The following CAMTA1 variants were observed in gnomAD, a reference collection of about 807,000 sequenced individuals.
The protein encoded by CAMTA1 is calmodulin binding transcription activator 1.
Under a neutral mutation model 170.9 loss-of-function variants are expected in CAMTA1, and 27 were observed. The ratio of observed to expected loss-of-function variants is 0.16; its 90% CI spans 0.12 to 0.22. The LOEUF (loss-of-function observed/expected upper bound fraction) is 0.22, where lower values mean the gene tolerates loss of function less well. CAMTA1 is among the 10% of genes least tolerant of loss of function. CAMTA1 has a pLI of 1.00. For synonymous variants in CAMTA1, 833 were observed against 891.5 expected (o/e 0.93, Z 1.17); for missense variants, 1,619 against 2,217.2 (o/e 0.73, Z 5.42).
intron 4 of CAMTA1, among the ~76,000 whole-genome samples, chr1:7,178,686 G>A (rs765311093): frequency 9.8e-5 from 15 of 152,314 alleles, no homozygotes; most frequent in South Asian, 2.1e-4. Context: ...TGGGGGTTCC[G>A]TAAAGAGCTA....
Position 6,972,049 on chromosome 1 carries a change from G to A in CAMTA1, c.235-119255G>A, listed in dbSNP as rs1233711475. On this transcript the variant is annotated intron_variant, in intron 3 of 22. Transcript: ENST00000303635. ...ACATTGTTGGAGAAGGAGGGGCGGG[G>A]GTAGAGTGAAGGCCCCAGAAGGAGA... is the stretch of plus-strand genomic sequence containing the variant. Among the ~76,000 whole-genome samples, 4 of 152,252 alleles carry A rather than the reference G, an allele frequency of 2.6e-5. No homozygotes were observed. In the East Asian group the frequency reaches 7.7e-4, roughly 29 times the overall value.
At chr1:6,834,184 T>C (rs997530068) in intron 3 of CAMTA1, 8 of 151,528 alleles carry the variant, frequency 5.3e-5, no homozygotes, top group Non-Finnish European at 1.2e-4. Context: ...GTTAATCATC[T>C]TTTTACTTAC....
intron 5 of CAMTA1, among the ~76,000 whole-genome samples, chr1:7,464,742 C>T (rs989879650): frequency 3.3e-5 from 5 of 152,152 alleles, no homozygotes; most frequent in South Asian, 4.2e-4. Flanking sequence ...TGAGGGTGCA[C>T]ACTCACGGGG....
At chr1:6,911,153 G>A (rs1374133680) in intron 3 of CAMTA1, among the ~76,000 whole-genome samples, 1 of 151,884 alleles carries the variant, frequency 6.6e-6, no homozygotes, top group African/African-American at 2.4e-5. Context: ...AGAGGGGAGG[G>A]TGTCCTTGGA....
rs35419744 is a variant in CAMTA1, at chr1:7,455,336, C to T, written c.439-12494C>T. Reference sequence around the variant, plus strand: ...TGTTTTCGTGAACTTGAGAAAAAATCGGGAAAAGGCCGATTCCCTCTGCCC... The same window carrying T: ...TGTTTTCGTGAACTTGAGAAAAAATTGGGAAAAGGCCGATTCCCTCTGCCC... On this transcript the variant is annotated intron_variant, in intron 5 of 22. Coordinates refer to ENST00000303635, the MANE Select transcript of CAMTA1 (RefSeq NM_015215.4). The surrounding 1 kb of genome is among the most constrained non-coding windows in gnomAD (Gnocchi z 5.0). 0.13 allele frequency among the ~76,000 whole-genome samples: 19,127 copies of T among 152,166 alleles called. 1,403 individuals carry two copies. Among genetic ancestry groups the T allele is most frequent in the Non-Finnish European group, 0.17 (11,625 of 67,990 alleles).
intron 5 of CAMTA1, among the ~76,000 whole-genome samples, chr1:7,313,771 C>T (rs1187751679): frequency 6.6e-6 from 1 of 152,034 alleles, no homozygotes; most frequent in Admixed American, 6.5e-5. Context: ...ATAAATTTAA[C>T]CTGATTTACT....
At chr1:7,386,021 C>T (rs969156999) in intron 5 of CAMTA1, among the ~76,000 whole-genome samples, 1 of 152,206 alleles carries the variant, frequency 6.6e-6, no homozygotes, top group Non-Finnish European at 1.5e-5. Flanking sequence ...ACCCTGGCTC[C>T]TCCAGGCTCC....
intron 3 of CAMTA1, among the ~76,000 whole-genome samples, chr1:7,033,914 AG>A (rs1703176493): frequency 6.6e-6 from 1 of 151,222 alleles, no homozygotes. Context: ...AATATTCTTG[AG>A]CATTGTTCTG....
chr1:6,916,830 C>G (rs1289902245), intron 3 of CAMTA1, among the ~76,000 whole-genome samples: 1 of 152,216 alleles, frequency 6.6e-6, no homozygotes, highest in Non-Finnish European at 1.5e-5. Flanking sequence ...GTGCAGATGT[C>G]ATAGCAGGTG....
chr1:7,709,474 G>C (rs1216358456), intron 11 of CAMTA1, among the ~76,000 whole-genome samples: 1 of 152,242 alleles, frequency 6.6e-6, no homozygotes, highest in Non-Finnish European at 1.5e-5. Flanking sequence ...TCAGTTCAAG[G>C]AGGAGTGAGA....
At chr1:7,626,664 G>C (rs1198060033) in intron 6 of CAMTA1, among the ~76,000 whole-genome samples, 1 of 152,054 alleles carries the variant, frequency 6.6e-6, no homozygotes, top group Non-Finnish European at 1.5e-5. Context: ...CTGAGAGACA[G>C]CAGAGGGTGG....
intron 4 of CAMTA1, among the ~76,000 whole-genome samples, chr1:7,150,843 ATGT>A (rs947645605): frequency 1.3e-5 from 2 of 152,182 alleles, no homozygotes; most frequent in African/African-American, 4.8e-5. Flanking sequence ...TTTCCCTCTG[ATGT>A]TGTCACTACT....
At chr1:7,137,127 C>T (rs776590539) in intron 4 of CAMTA1, among the ~76,000 whole-genome samples, 1 of 152,136 alleles carries the variant, frequency 6.6e-6, no homozygotes, top group Non-Finnish European at 1.5e-5. Context: ...TGCCCCGGTG[C>T]CTGGGAGTCA....
At chr1:7,008,922 C>T (rs2100745528) in intron 3 of CAMTA1, among the ~76,000 whole-genome samples, 1 of 152,342 alleles carries the variant, frequency 6.6e-6, no homozygotes, top group East Asian at 1.9e-4. Flanking sequence ...AGAGAAGGAA[C>T]TAAGGGAAAT....
intron 6 of CAMTA1, among the ~76,000 whole-genome samples, chr1:7,470,787 C>T (rs780819519): frequency 3.8e-4 from 58 of 152,248 alleles, no homozygotes; most frequent in Non-Finnish European, 7.5e-4. Flanking sequence ...CCTGCCGGCC[C>T]ACTGTGAACT....
At chr1:7,074,127 T>C (rs1330079580) in intron 3 of CAMTA1, among the ~76,000 whole-genome samples, 1 of 152,212 alleles carries the variant, frequency 6.6e-6, no homozygotes, top group Non-Finnish European at 1.5e-5. Flanking sequence ...TACTTTACCC[T>C]CCTGGGGTTG....
intron 3 of CAMTA1, among the ~76,000 whole-genome samples, chr1:7,089,331 A>G (rs569024156): frequency 6.6e-6 from 1 of 152,278 alleles, no homozygotes; most frequent in African/African-American, 2.4e-5. Flanking sequence ...TTTGCTTCCA[A>G]TGCATGTGCT....
rs147953645 is a variant in CAMTA1, at chr1:6,949,141, C to T, written c.234+123931C>T. Among the ~76,000 whole-genome samples, 46 of 152,328 alleles carry T rather than the reference C, an allele frequency of 3.0e-4. No individual in the cohort carries two copies. In the Middle Eastern group the frequency reaches 0.01, roughly 34 times the overall value. ...CCACTCTGAGACTTTATCTTTAGAA[C>T]CAATGATTAATTTAAATAGGCTAAA... On this transcript the variant is annotated intron_variant, in intron 3 of 22. Transcript: ENST00000303635.
At chr1:7,087,236 C>T (rs766512820) in intron 3 of CAMTA1, among the ~76,000 whole-genome samples, 20 of 152,178 alleles carry the variant, frequency 1.3e-4, no homozygotes, top group Non-Finnish European at 2.5e-4. Flanking sequence ...CCCTCGTCGG[C>T]GGGAGCATCT....
Sources: gnomAD v4.1 joint callset for allele counts (sites outside exome capture counted in the v4.1 genomes callset) on GRCh38, gnomAD v4.1.1 for gene constraint, Gnocchi (gnomAD v3.1) non-coding constraint, MANE v1.5 for transcripts, NCBI Gene and HGNC (gene_info 2026-07-23, HGNC 2026-07-21) for gene names.